The following SLC8A1 variants were observed in gnomAD, a reference collection of about 807,000 sequenced individuals.
SLC8A1 encodes the protein sodium/calcium exchanger 1.
In SLC8A1, 18 loss-of-function variants were observed where a neutral mutation model predicts 68.3. The ratio of observed to expected loss-of-function variants is 0.26; its 90% CI spans 0.18 to 0.39. The LOEUF (loss-of-function observed/expected upper bound fraction) is 0.39, where lower values mean the gene tolerates loss of function less well. Ranked by LOEUF, SLC8A1 falls within the 10% of genes least tolerant of loss-of-function variation. The pLI is 1.00. For missense variants in SLC8A1, 985 were observed against 1,156.7 expected, an observed-to-expected ratio of 0.85 and a Z score of 2.15; for synonymous variants, 475 against 415.5, an observed-to-expected ratio of 1.14 and a Z score of -1.74.
Position 40,432,550 on chromosome 2 carries a change from T to G in SLC8A1, c.-24-2246A>C, listed in dbSNP as rs182790020. Reference sequence around the variant, plus strand: ...CGAAAGATCAAGTTTTGTGGATATCTGTAGGAAAAGAATTCCAGCAAGTGC... The same window carrying G: ...CGAAAGATCAAGTTTTGTGGATATCGGTAGGAAAAGAATTCCAGCAAGTGC... On this transcript the variant is annotated intron_variant, in intron 1 of 7. Coordinates refer to ENST00000406785, the Ensembl canonical transcript of SLC8A1. 3.7e-3 allele frequency among the ~76,000 whole-genome samples: 564 copies of G among 151,074 alleles called. 2 individuals are homozygous for G. The highest frequency in any genetic ancestry group is 0.013 in the African/African-American group (543 of 41,076).
intron 1 of SLC8A1, among the ~76,000 whole-genome samples, chr2:40,483,656 C>A (rs553779584): frequency 4.8e-4 from 73 of 152,242 alleles, no homozygotes; most frequent in Non-Finnish European, 8.1e-4. Context: ...CTAGGTTCTG[C>A]CTGGTAAATA....
At chr2:40,200,630 T>G (rs1295290285) in intron 2 of SLC8A1, among the ~76,000 whole-genome samples, 3 of 151,654 alleles carry the variant, frequency 2.0e-5, no homozygotes, top group African/African-American at 7.3e-5. Flanking sequence ...GTTTGGGAAC[T>G]GAGAACTCCT....
At chr2:40,164,736 G>A (rs1265073887) in intron 5 of SLC8A1, 118 bp downstream of exon 8, 1 of 1,356,048 alleles carries the variant, frequency 7.4e-7, no homozygotes, top group Non-Finnish European at 1.0e-6. Flanking sequence ...TCACAAGCCA[G>A]TTCCTGAAAT....
rs191273162 is a variant in SLC8A1 at position 40,206,107 on chromosome 2, A to G, written c.1809-28252T>C. Among the ~76,000 whole-genome samples the G allele has an allele frequency of 3.3e-5, 5 of 152,192 alleles. No homozygotes were observed. In the East Asian group the frequency reaches 5.8e-4, roughly 18 times the overall value. Reference sequence around the variant, plus strand: ...AACAAACTTAGGGTGAATAAACACTAAAGTTCTACTTCACAATTATAATTG... The same window carrying G: ...AACAAACTTAGGGTGAATAAACACTGAAGTTCTACTTCACAATTATAATTG... On this transcript the variant is annotated intron_variant, in intron 2 of 7. Transcript: ENST00000406785.
intron 2 of SLC8A1, among the ~76,000 whole-genome samples, chr2:40,279,330 A>C (rs2067191307): frequency 6.6e-6 from 1 of 152,216 alleles, no homozygotes; most frequent in South Asian, 2.1e-4. Flanking sequence ...ATTTAGCAAT[A>C]ATCTATAATA....
intron 2 of SLC8A1, among the ~76,000 whole-genome samples, chr2:40,204,006 G>A (rs777616171): frequency 1.2e-4 from 18 of 151,924 alleles, no homozygotes; most frequent in African/African-American, 4.1e-4. Context: ...GTGAGCCACC[G>A]TGCCCAGCTG....
chr2:40,164,871 C>G, exon 5 of SLC8A1: 2 of 1,613,896 alleles, frequency 1.2e-6, no homozygotes, highest in Non-Finnish European at 1.7e-6. Flanking sequence ...TCATAGGATT[C>G]TTCAATGATC....
chr2:40,449,237 C>A (rs1467983734), intron 1 of SLC8A1, among the ~76,000 whole-genome samples: 1 of 151,360 alleles, frequency 6.6e-6, no homozygotes, highest in Non-Finnish European at 1.5e-5. Flanking sequence ...GAGACAACCA[C>A]ATCTATGAGC....
chr2:40,098,932 G>A (rs147517541), exon 8 of SLC8A1: 3 of 151,994 alleles, frequency 2.0e-5, no homozygotes, highest in East Asian at 1.9e-4. Context: ...CACTTTTAAC[G>A]TTTCGTTTAG....
chr2:40,468,806 T>G (rs1381031900), intron 1 of SLC8A1, among the ~76,000 whole-genome samples: 3 of 152,060 alleles, frequency 2.0e-5, no homozygotes, highest in Non-Finnish European at 2.9e-5. Flanking sequence ...CTGGGTGTGG[T>G]GGCTCACGAC....
intron 1 of SLC8A1, among the ~76,000 whole-genome samples, chr2:40,437,235 T>A (rs1559684639): frequency 6.6e-6 from 1 of 152,140 alleles, no homozygotes; most frequent in Non-Finnish European, 1.5e-5. Flanking sequence ...TAACAATGTT[T>A]TCTGGGGACA....
chr2:40,129,432 C>G (rs868038463), intron 7 of SLC8A1, among the ~76,000 whole-genome samples: 2 of 151,860 alleles, frequency 1.3e-5, no homozygotes, highest in South Asian at 4.2e-4. Context: ...CACAGGGTCT[C>G]TCTATGTTGC....
chr2:40,127,544 C>T (rs1478896350), intron 7 of SLC8A1, among the ~76,000 whole-genome samples: 2 of 152,140 alleles, frequency 1.3e-5, no homozygotes, highest in Non-Finnish European at 2.9e-5. Context: ...GTTGTGGTTA[C>T]CTGCTTTTTT....
chr2:40,246,833 T>C (rs554212416), intron 2 of SLC8A1, among the ~76,000 whole-genome samples: 1 of 152,318 alleles, frequency 6.6e-6, no homozygotes, highest in African/African-American at 2.4e-5. Flanking sequence ...GAATTTTTTT[T>C]ATTTAAGTCT....
chr2:40,243,417 G>A (rs2061455529), intron 2 of SLC8A1, among the ~76,000 whole-genome samples: 1 of 152,162 alleles, frequency 6.6e-6, no homozygotes, highest in Admixed American at 6.5e-5. Flanking sequence ...CTAGGAGGTA[G>A]ATGTTATAGT....
chr2:40,369,019 CCATA>C (rs376678311), intron 2 of SLC8A1, among the ~76,000 whole-genome samples: 113 of 152,130 alleles, frequency 7.4e-4, no homozygotes, highest in African/African-American at 2.6e-3. Flanking sequence ...CTTTCTTTCA[CCATA>C]CAAAGAAACT....
intron 2 of SLC8A1, among the ~76,000 whole-genome samples, chr2:40,394,844 T>G (rs1387402737): frequency 6.6e-6 from 1 of 152,128 alleles, no homozygotes; most frequent in Non-Finnish European, 1.5e-5. Context: ...GAAGTTGTCA[T>G]TTGTGCAAAG....
At chr2:40,466,972 T>TAAA (rs10642728) in intron 1 of SLC8A1, among the ~76,000 whole-genome samples, 16 of 143,868 alleles carry the variant, frequency 1.1e-4, no homozygotes, top group African/African-American at 4.1e-4. Flanking sequence ...ATGAGTTATC[T>TAAA]AAAAAAAAAA....
chr2:40,385,299 T>TA (rs1002522485), intron 2 of SLC8A1, among the ~76,000 whole-genome samples: 1 of 146,448 alleles, frequency 6.8e-6, no homozygotes, highest in African/African-American at 2.8e-5. Flanking sequence ...GACATACTAC[T>TA]GTAACTCTGG....
Sources: gnomAD v4.1 joint callset for allele counts (sites outside exome capture counted in the v4.1 genomes callset) on GRCh38, gnomAD v4.1.1 for gene constraint, MANE v1.5 for transcripts, NCBI Gene and HGNC (gene_info 2026-07-23, HGNC 2026-07-21) for gene names.